PRKCH: variants seen among roughly 807,000 people sequenced by gnomAD.
PRKCH encodes the protein protein kinase C eta type.
A neutral mutation model predicts 82.5 loss-of-function variants in PRKCH; 28 were observed. The observed-to-expected ratio is 0.34, with a 90% CI of 0.25 to 0.47. The LOEUF is 0.47. Among genes scored for constraint, PRKCH ranks in the 20% least tolerant of loss-of-function variants. The pLI, the probability that PRKCH is intolerant of heterozygous loss-of-function variation, is 1.00. For synonymous variants in PRKCH, 322 were observed against 327.4 expected (o/e 0.98, Z 0.18); for missense variants, 705 against 881.8 (o/e 0.80, Z 2.54).
At chr14:61,323,925 T>A (rs2045662482) in intron 1 of PRKCH, among the ~76,000 whole-genome samples, 1 of 152,212 alleles carries the variant, frequency 6.6e-6, no homozygotes, top group East Asian at 1.9e-4. Context: ...AGGAACTAGG[T>A]TCTGAATTAT....
chr14:61,510,223 G>C (rs1370565570), intron 10 of PRKCH, among the ~76,000 whole-genome samples: 1 of 152,140 alleles, frequency 6.6e-6, no homozygotes, highest in South Asian at 2.1e-4. Context: ...GGAAGTGTGG[G>C]CTTTATTTTA....
intron 2 of PRKCH, among the ~76,000 whole-genome samples, chr14:61,400,097 G>A (rs911315394): frequency 3.9e-5 from 6 of 152,104 alleles, no homozygotes; most frequent in South Asian, 4.2e-4. Flanking sequence ...TTGTCCCATT[G>A]CCTCAGTTTT....
intron 1 of PRKCH, among the ~76,000 whole-genome samples, chr14:61,249,362 G>A (rs1032479480): frequency 6.6e-6 from 1 of 152,116 alleles, no homozygotes; most frequent in Non-Finnish European, 1.5e-5. Flanking sequence ...GGAGGAGTCA[G>A]TCTATCCGAA....
intron 1 of PRKCH, among the ~76,000 whole-genome samples, chr14:61,274,405 G>A (rs1263624229): frequency 1.3e-5 from 2 of 152,166 alleles, no homozygotes; most frequent in Non-Finnish European, 2.9e-5. Context: ...TTGCATTGAG[G>A]GGTAACATGA....
chr14:61,446,864 A>G (rs1884249914), intron 4 of PRKCH, among the ~76,000 whole-genome samples: 1 of 152,222 alleles, frequency 6.6e-6, no homozygotes, highest in Non-Finnish European at 1.5e-5. Flanking sequence ...TTGAGTTTAA[A>G]ACATGGGATT....
chr14:61,347,122 T>A (rs1036272259), intron 1 of PRKCH, among the ~76,000 whole-genome samples: 1 of 152,180 alleles, frequency 6.6e-6, no homozygotes, highest in African/African-American at 2.4e-5. Flanking sequence ...AAATCCAGAA[T>A]AGATATTCCT....
intron 13 of PRKCH, among the ~76,000 whole-genome samples, chr14:61,548,467 C>T (rs763081952): frequency 6.6e-6 from 1 of 152,204 alleles, no homozygotes; most frequent in Admixed American, 6.5e-5. Flanking sequence ...CCTTCCTGAG[C>T]GTGGTCCCGC....
At chr14:61,456,330 G>A (rs1248906760) in intron 7 of PRKCH, among the ~76,000 whole-genome samples, 3 of 152,204 alleles carry the variant, frequency 2.0e-5, no homozygotes, top group Non-Finnish European at 4.4e-5. Context: ...TTGAAGATTT[G>A]CATGAAGTGT....
chr14:61,322,073 C>G lies in PRKCH; in HGVS notation c.-29C>G, dbSNP rs1006595877. ...GTTCTCCCGCTGCGAAGCAGCGCGGCCCCCCGGGGCCGGGGCAGCGGCGCC... is the reference window on the plus strand; with the variant it reads ...GTTCTCCCGCTGCGAAGCAGCGCGGGCCCCCGGGGCCGGGGCAGCGGCGCC... On this transcript the variant is annotated 5_prime_UTR_variant, in exon 1 of 14. Transcript: ENST00000332981. 2.0e-6 allele frequency: 3 copies of G among 1,509,332 alleles called. No homozygotes were observed. The highest frequency in any genetic ancestry group is 2.8e-5 in the African/African-American group (2 of 71,604). The allele number at this position is 1,509,332 out of a possible 1,614,324, so 93.5% of individuals were successfully genotyped here.
Position 61,216,469 on chromosome 14 carries a change from C to CAA in PRKCH, c.-19+28810_-19+28811dup, listed in dbSNP as rs879803015. Among the ~76,000 whole-genome samples the CAA allele has an allele frequency of 4.8e-4, 65 of 134,584 alleles. 1 individual carries two copies. In the South Asian group the frequency reaches 5.7e-3, roughly 12 times the overall value. 88.3% of individuals were successfully genotyped at this position (134,584 alleles called of 152,430 possible). ...TGTGTGATAGAGCAAGACTCTGTCT[C>CAA]AAAAAAAAAACAAAAATTAAAAAAA... On this transcript the variant is annotated intron_variant, in intron 1 of 3. Transcript: ENST00000555185.
intron 1 of PRKCH, among the ~76,000 whole-genome samples, chr14:61,374,581 A>G (rs1208461565): frequency 6.6e-6 from 1 of 152,078 alleles, no homozygotes; most frequent in Non-Finnish European, 1.5e-5. Context: ...GTACACCCAC[A>G]GGCCCAACAC....
chr14:61,285,364 T>C (rs192938453), intron 1 of PRKCH, among the ~76,000 whole-genome samples: 122 of 152,350 alleles, frequency 8.0e-4, no homozygotes, highest in African/African-American at 2.8e-3. Context: ...GGGGAAAGAA[T>C]GCTGGCCGGA....
intron 1 of PRKCH, among the ~76,000 whole-genome samples, chr14:61,210,655 G>T (rs1594853960): frequency 1.3e-5 from 2 of 152,262 alleles, no homozygotes; most frequent in Non-Finnish European, 2.9e-5. Context: ...GGTCAAGGGG[G>T]ATGAAGTGAC....
At chr14:61,393,717 C>G (rs1038502692) in intron 2 of PRKCH, among the ~76,000 whole-genome samples, 1 of 152,150 alleles carries the variant, frequency 6.6e-6, no homozygotes, top group Non-Finnish European at 1.5e-5. Flanking sequence ...AGGTTTTCTC[C>G]CCTCAATATC....
chr14:61,283,932 CTG>C (rs2045293227), intron 1 of PRKCH, among the ~76,000 whole-genome samples: 1 of 152,192 alleles, frequency 6.6e-6, no homozygotes, highest in Non-Finnish European at 1.5e-5. Context: ...CAAGTGATAA[CTG>C]TCTAGAAGAG....
At chr14:61,334,811 A>G (rs78898024) in intron 1 of PRKCH, among the ~76,000 whole-genome samples, 8,448 of 152,234 alleles carry the variant, frequency 0.055, 254 homozygotes, top group African/African-American at 0.06. Flanking sequence ...AAACATGCCC[A>G]GCACAAGATA....
In PRKCH at chr14:61,534,858, C is replaced by T. The variant is rs548439361; in HGVS notation, c.1761+4263C>T. ...TGCCCGCTTCAAATAAGGCAGTATA[C>T]ATGAAAGTGTTTTCCAAGTGGAATG... On this transcript the variant is annotated intron_variant, in intron 12 of 13. Coordinates refer to ENST00000332981, the MANE Select transcript of PRKCH (RefSeq NM_006255.5). 4.6e-5 allele frequency among the ~76,000 whole-genome samples: 7 copies of T among 152,226 alleles called. No individual in the cohort carries two copies. The East Asian group carries it at 1.4e-3, about 29-fold the overall frequency.
In PRKCH at chr14:61,279,773, T is replaced by C. The variant is rs537754573; in HGVS notation, c.-19+92105T>C. On this transcript the variant is annotated intron_variant, in intron 1 of 3. Coordinates refer to the PRKCH transcript ENST00000555185. ...TAGGTCTCTCAATCTCTTCCTCTAA[T>C]AGGGGTTTAATAGGAGTCTCCATAG... 5.7e-5 allele frequency: 17 copies of C among 295,694 alleles called. No individual in the cohort carries two copies. In the East Asian group the frequency reaches 9.8e-4, roughly 17 times the overall value. The allele number at this position is 295,694 out of a possible 1,614,324, so 18.3% of individuals were successfully genotyped here. A position where few individuals can be genotyped will look rare whatever the true frequency, so the allele number is the denominator to read the frequency against.
chr14:61,341,464 TGTCAG>T (rs1248293346), intron 1 of PRKCH, among the ~76,000 whole-genome samples: 1 of 152,208 alleles, frequency 6.6e-6, no homozygotes, highest in African/African-American at 2.4e-5. Flanking sequence ...CACATGCACA[TGTCAG>T]CACAGTTCAC....
Sources: allele counts gnomAD v4.1 joint callset (sites outside exome capture counted in the v4.1 genomes callset), GRCh38; gene constraint gnomAD v4.1.1; transcripts MANE v1.5; gene names NCBI Gene and HGNC (gene_info 2026-07-23, HGNC 2026-07-21).